Variants in PDS5A observed in about 807,000 individuals in gnomAD.
PDS5A encodes PDS5 cohesin associated factor A, also known as sister chromatid cohesion protein PDS5 homolog A.
Under a neutral mutation model 167.1 loss-of-function variants are expected in PDS5A, and 42 were observed. The observed-to-expected ratio is 0.25, with a 90% CI of 0.20 to 0.33. The LOEUF is 0.33. Ranked by LOEUF, PDS5A falls within the 10% of genes least tolerant of loss-of-function variation. The pLI, the probability that PDS5A is intolerant of heterozygous loss-of-function variation, is 1.00. For missense variants in PDS5A, 1,033 were observed against 1,605.9 expected (o/e 0.64, Z 6.10); for synonymous variants, 553 against 554.6 (o/e 1.00, Z 0.04).
At chr4:39,965,577 GA>G (rs1729897925) in intron 2 of PDS5A, among the ~76,000 whole-genome samples, 1 of 152,204 alleles carries the variant, frequency 6.6e-6, no homozygotes, top group South Asian at 2.1e-4. Flanking sequence ...AAAAGGGAAG[GA>G]AGTAATAACA....
chr4:39,879,686 A>AC lies in PDS5A; in HGVS notation c.1992+41dup, dbSNP rs747175127. On this transcript the variant is annotated intron_variant, in intron 18 of 32. Transcript: ENST00000303538. ...TATCCTGAAGGGAAGGCAAATTATGACCCCACGGAAATACATGGCAACAAA... is the reference window on the plus strand; with the variant it reads ...TATCCTGAAGGGAAGGCAAATTATGACCCCCACGGAAATACATGGCAACAAA... The AC allele has an allele frequency of 3.4e-6, 4 of 1,170,758 alleles. No individual in the cohort carries two copies. In the Admixed American group the frequency reaches 5.1e-5, roughly 15 times the overall value. The allele number at this position is 1,170,758 out of a possible 1,614,324, so 72.5% of individuals were successfully genotyped here.
chr4:39,943,549 C>G (rs1178569152), intron 2 of PDS5A, among the ~76,000 whole-genome samples: 1 of 149,336 alleles, frequency 6.7e-6, no homozygotes, highest in African/African-American at 2.5e-5. Flanking sequence ...TTTGGGAGGC[C>G]AGGGCAGGCG....
At chr4:39,926,903 T>C in intron 3 of PDS5A, 42 bp from the exon 4 acceptor site, 1 of 1,347,716 alleles carries the variant, frequency 7.4e-7, no homozygotes, top group Non-Finnish European at 9.7e-7. Flanking sequence ...ACAAATACTT[T>C]TCTTTCACAA....
At chr4:39,907,776 CG>C (rs1279878871) in intron 11 of PDS5A, among the ~76,000 whole-genome samples, 1 of 152,018 alleles carries the variant, frequency 6.6e-6, no homozygotes, top group Non-Finnish European at 1.5e-5. Flanking sequence ...TTAGTAGAGA[CG>C]GGGTTTCACC....
chr4:39,888,687 C>CAA (rs33987152), intron 17 of PDS5A, among the ~76,000 whole-genome samples: 11,319 of 144,292 alleles, frequency 0.078, 469 homozygotes, highest in Middle Eastern at 0.18. Flanking sequence ...AAGCCAAGAA[C>CAA]AACAAAAAAA....
chr4:39,954,418 A>C (rs1728713642), intron 2 of PDS5A, among the ~76,000 whole-genome samples: 1 of 152,014 alleles, frequency 6.6e-6, no homozygotes, highest in Non-Finnish European at 1.5e-5. Flanking sequence ...TCCCAGGTTC[A>C]AGCGAGTCTC....
chr4:39,943,710 G>A (rs1259946089), intron 2 of PDS5A, among the ~76,000 whole-genome samples: 1 of 151,892 alleles, frequency 6.6e-6, no homozygotes, highest in Non-Finnish European at 1.5e-5. Flanking sequence ...GGGGGGCTGA[G>A]GCATAAGAAT....
At chr4:39,932,830 C>CA (rs144780013) in intron 2 of PDS5A, 36,375 of 149,456 alleles carry the variant, frequency 0.24, 4,806 homozygotes, top group East Asian at 0.44. Flanking sequence ...GACTCCATTT[C>CA]AAAAAAAAAG....
intron 2 of PDS5A, among the ~76,000 whole-genome samples, chr4:39,971,095 A>C (rs1323620811): frequency 6.6e-6 from 1 of 151,296 alleles, no homozygotes; most frequent in Non-Finnish European, 1.5e-5. Context: ...TTGAAAACTG[A>C]CGAGAACAGG....
rs753940583 is a variant in PDS5A at position 39,862,889 on chromosome 4, T to C, written c.2951A>G (p.Lys984Arg). The stretch of plus-strand genomic sequence containing the variant: ...CTTACCAGTAGCCATAGGATTCTGC[T>C]TAATGTATTCCCTGCGTATACTGAT... ...KNISIRREYI[K>R]QNPMATEKLL... The change falls in exon 25 of 33, where the codon AAG (lysine) becomes AGG (arginine). Residue 984 changes from lysine to arginine, a missense_variant. Lys to Arg is a conservative substitution (Grantham distance 26). Transcript: ENST00000303538. 2 of 1,608,292 alleles carry C rather than the reference T, an allele frequency of 1.2e-6. No individual in the cohort carries two copies. The highest frequency in any genetic ancestry group is 1.7e-6 in the Non-Finnish European group (2 of 1,177,970).
chr4:39,970,041 A>C (rs942038652), intron 2 of PDS5A, among the ~76,000 whole-genome samples: 9 of 151,454 alleles, frequency 5.9e-5, no homozygotes, highest in African/African-American at 2.2e-4. Flanking sequence ...TCCAAGAAAA[A>C]GGGTTTCACT....
At chr4:39,908,284 TTAA>T in intron 11 of PDS5A, 108 bp downstream of exon 11, 1 of 832,192 alleles carries the variant, frequency 1.2e-6, no homozygotes, top group Non-Finnish European at 2.0e-6. Context: ...ATCATTGTTA[TTAA>T]TTTGATTTTC....
intron 25 of PDS5A, 96 bp downstream of exon 25, chr4:39,862,773 T>C (rs1686845885): frequency 2.7e-6 from 2 of 731,208 alleles, no homozygotes; most frequent in Admixed American, 2.7e-5. Context: ...AGTTTTATTA[T>C]AAACTATAAT....
At chr4:39,942,833 G>A (rs571618783) in intron 2 of PDS5A, among the ~76,000 whole-genome samples, 1 of 152,076 alleles carries the variant, frequency 6.6e-6, no homozygotes, top group East Asian at 1.9e-4. Flanking sequence ...CATAAAAATC[G>A]TGTCTTCTCA....
At chr4:39,910,969 C>CA (rs970483979) in intron 9 of PDS5A, among the ~76,000 whole-genome samples, 7 of 151,914 alleles carry the variant, frequency 4.6e-5, no homozygotes, top group Non-Finnish European at 8.8e-5. Context: ...CCTGTCTCTA[C>CA]AAAAAAACAC....
At position 39,976,586 on chromosome 4, in the gene PDS5A, A is replaced by T. The variant is rs777344396; in HGVS notation, c.-9T>A. The T allele has an allele frequency of 1.1e-5, 17 of 1,607,050 alleles. No homozygotes were observed. The highest frequency in any genetic ancestry group is 8.5e-7 in the Non-Finnish European group (1 of 1,175,038). ...TGCGCGGTGAAGTCCATCCTGGGGG[A>T]CAACTTTTGGTTCACAGTCCTCTAC... On this transcript the variant is annotated 5_prime_UTR_variant, in exon 2 of 33. Coordinates refer to ENST00000303538, the MANE Select transcript of PDS5A (RefSeq NM_001100399.2).
At chr4:39,971,263 A>G (rs1038197931) in intron 2 of PDS5A, among the ~76,000 whole-genome samples, 7 of 151,780 alleles carry the variant, frequency 4.6e-5, no homozygotes, top group African/African-American at 1.7e-4. Flanking sequence ...GGTTCATGCA[A>G]TTCTGCCTCA....
intron 25 of PDS5A, 70 bp from the exon 26 acceptor site, chr4:39,862,403 G>A (rs1272607743): frequency 4.8e-6 from 3 of 621,700 alleles, no homozygotes; most frequent in Admixed American, 6.2e-5. Flanking sequence ...AACCACTTAA[G>A]TTTTCATTTT....
rs59403675 is a variant in PDS5A at position 39,909,040 on chromosome 4, AAAAATAAAATAAAATAAAAT to A, written c.1088-520_1088-501del. On this transcript the variant is annotated intron_variant, in intron 10 of 32. Transcript: ENST00000303538. ...GGTAACAGAGTGACGCCCTGTATCA[AAAAATAAAATAAAATAAAAT>A]AAAATAAAATAAAATAAAATAAAAT... Among the ~76,000 whole-genome samples the A allele has an allele frequency of 9.5e-3, 1,203 of 126,076 alleles. 20 individuals carry two copies. The highest frequency in any genetic ancestry group is 0.03 in the African/African-American group (1,056 of 35,166). The allele number at this position is 126,076 out of a possible 152,430, so 82.7% of individuals were successfully genotyped here.
Sources: gnomAD v4.1 joint callset for allele counts (sites outside exome capture counted in the v4.1 genomes callset) on GRCh38, gnomAD v4.1.1 for gene constraint, MANE v1.5 for transcripts, NCBI Gene and HGNC (gene_info 2026-07-23, HGNC 2026-07-21) for gene names.